Variants in VWA8 observed in about 807,000 individuals in gnomAD.
VWA8 encodes the protein von Willebrand factor A domain containing 8, also known as von Willebrand factor A domain-containing protein 8.
VWA8 carries 221 observed loss-of-function variants against 241.5 expected under a neutral mutation model. The ratio of observed to expected loss-of-function variants is 0.91; its 90% CI spans 0.82 to 1.02. The LOEUF (loss-of-function observed/expected upper bound fraction) is 1.02, where lower values mean the gene tolerates loss of function less well. VWA8 is among the 50% of genes least tolerant of loss of function. The pLI is 0.00. For missense variants in VWA8, 2,322 were observed against 2,328.7 expected, an observed-to-expected ratio of 1.00 and a Z score of 0.06; for synonymous variants, 852 against 827.1, an observed-to-expected ratio of 1.03 and a Z score of -0.52.
intron 14 of VWA8, among the ~76,000 whole-genome samples, chr13:41,824,483 T>C (rs1871094936): frequency 6.6e-6 from 1 of 152,118 alleles, no homozygotes; most frequent in Admixed American, 6.6e-5. Context: ...TATCTAGTAG[T>C]CAGATGGCAC....
chr13:41,670,384 T>C (rs1366048210), intron 37 of VWA8, among the ~76,000 whole-genome samples: 2 of 151,634 alleles, frequency 1.3e-5, no homozygotes, highest in Non-Finnish European at 2.9e-5. Flanking sequence ...CTTTTCACTT[T>C]GGTGGCCTGT....
chr13:41,600,464 G>A (rs1017535775), intron 40 of VWA8, among the ~76,000 whole-genome samples: 2 of 152,074 alleles, frequency 1.3e-5, no homozygotes, highest in African/African-American at 2.4e-5. Flanking sequence ...CCTTGACTCG[G>A]CTGTTCTCAC....
chr13:41,743,186 G>T (rs1053105936), intron 21 of VWA8, among the ~76,000 whole-genome samples: 3 of 152,178 alleles, frequency 2.0e-5, no homozygotes, highest in Non-Finnish European at 4.4e-5. Flanking sequence ...GTCATTGCAG[G>T]GTTCTGAGCA....
chr13:41,781,534 C>A (rs753462446), intron 19 of VWA8, among the ~76,000 whole-genome samples: 1 of 152,136 alleles, frequency 6.6e-6, no homozygotes, highest in Non-Finnish European at 1.5e-5. Context: ...CCTAGAGCTG[C>A]GTATACTTGT....
chr13:41,728,849 A>C (rs1230729353), intron 23 of VWA8, among the ~76,000 whole-genome samples: 1 of 152,054 alleles, frequency 6.6e-6, no homozygotes, highest in Admixed American at 6.6e-5. Flanking sequence ...TTTAGTTATT[A>C]GTCTCAACTT....
At chr13:41,868,217 CAT>C in intron 10 of VWA8, 127 bp downstream of exon 10, 1 of 1,026,384 alleles carries the variant, frequency 9.7e-7, no homozygotes, top group Non-Finnish European at 1.4e-6. Flanking sequence ...GAGACATAGA[CAT>C]ATAGATACCG....
At chr13:41,695,580 T>C (rs1238702173) in intron 29 of VWA8, among the ~76,000 whole-genome samples, 1 of 152,168 alleles carries the variant, frequency 6.6e-6, no homozygotes, top group East Asian at 1.9e-4. Flanking sequence ...AGGTCTGACA[T>C]CTTGACAGAG....
Position 41,582,655 on chromosome 13 carries a change from T to C in VWA8, c.5271+4857A>G, listed in dbSNP as rs1273267789. On this transcript the variant is annotated intron_variant, in intron 42 of 44. Coordinates refer to ENST00000379310, the MANE Select transcript of VWA8 (RefSeq NM_015058.2). ...TTTTTTTCTGAGTAAATTAAATCCT[T>C]TTGTTAGTTATTCCTATTCCCTTTA... 3.9e-5 allele frequency among the ~76,000 whole-genome samples: 6 copies of C among 152,338 alleles called. 1 individual carries two copies. In the Middle Eastern group the frequency reaches 0.017, roughly 432 times the overall value.
chr13:41,691,783 T>A (rs1236573258), intron 31 of VWA8, 91 bp downstream of exon 31: 3 of 1,047,804 alleles, frequency 2.9e-6, no homozygotes, highest in Non-Finnish European at 2.9e-6. Flanking sequence ...TTGGTTACAT[T>A]CACTTTATAG....
chr13:41,883,436 C>A lies in VWA8; in HGVS notation c.1031G>T (p.Ser344Ile), dbSNP rs771607918. 9.3e-6 allele frequency: 15 copies of A among 1,613,540 alleles called. No individual in the cohort carries two copies. The highest frequency in any genetic ancestry group is 1.1e-5 in the Non-Finnish European group (13 of 1,179,782). ...CTTCCCTTCATGACCTAGTAAAATA[C>A]TATATGGATAAAGCCACTGGATTGC... Reference protein sequence around the residue: ...KHAIQWLYPYSILLGHEGKMA... With the variant: ...KHAIQWLYPYIILLGHEGKMA... The change falls in exon 9 of 45, where the codon AGT becomes ATT. Residue 344 changes from serine (S) to isoleucine (I), a missense_variant. Ser to Ile is a moderately radical substitution (Grantham distance 142). Coordinates refer to ENST00000379310, the MANE Select transcript of VWA8 (RefSeq NM_015058.2).
At chr13:41,802,832 A>G (rs1870019721) in intron 17 of VWA8, among the ~76,000 whole-genome samples, 2 of 152,238 alleles carry the variant, frequency 1.3e-5, no homozygotes, top group South Asian at 2.1e-4. Context: ...ATGAATAAAC[A>G]TAAGTGGTAG....
chr13:41,610,356 G>C (rs1444412830), intron 39 of VWA8, among the ~76,000 whole-genome samples: 1 of 152,198 alleles, frequency 6.6e-6, no homozygotes, highest in Non-Finnish European at 1.5e-5. Flanking sequence ...GGGAGAAAGG[G>C]AGAGTGAATT....
chr13:41,718,664 T>A (rs538585870), intron 26 of VWA8, among the ~76,000 whole-genome samples: 1 of 151,826 alleles, frequency 6.6e-6, no homozygotes, highest in South Asian at 2.1e-4. Flanking sequence ...CTTCAAAGAA[T>A]CAATAAATAT....
chr13:41,794,643 T>C (rs1303798736), intron 17 of VWA8, among the ~76,000 whole-genome samples: 1 of 152,226 alleles, frequency 6.6e-6, no homozygotes, highest in African/African-American at 2.4e-5. Context: ...CTTGCCTGAT[T>C]GCCCTGGCCA....
At chr13:41,746,643 T>TGACACTC (rs920381710) in intron 21 of VWA8, among the ~76,000 whole-genome samples, 2 of 152,220 alleles carry the variant, frequency 1.3e-5, no homozygotes, top group Admixed American at 6.5e-5. Context: ...AATTTACTGA[T>TGACACTC]GACACTCCTC....
intron 12 of VWA8, among the ~76,000 whole-genome samples, chr13:41,834,130 T>C (rs1410494749): frequency 1.3e-5 from 2 of 152,230 alleles, no homozygotes; most frequent in East Asian, 1.9e-4. Flanking sequence ...AACAATAGCA[T>C]AGCACTTAAA....
chr13:41,770,901 CAAAAA>C (rs71096541), intron 20 of VWA8, among the ~76,000 whole-genome samples: 7 of 98,386 alleles, frequency 7.1e-5, no homozygotes, highest in Admixed American at 2.1e-4. Context: ...CTTAAAATGA[CAAAAA>C]AAAAAAAAAA....
chr13:41,639,269 T>C (rs1381204476), intron 37 of VWA8, among the ~76,000 whole-genome samples: 1 of 151,836 alleles, frequency 6.6e-6, no homozygotes, highest in African/African-American at 2.4e-5. Context: ...GCTAGATAGA[T>C]GTGAAAAAAA....
intron 33 of VWA8, among the ~76,000 whole-genome samples, chr13:41,689,771 T>C (rs1332977961): frequency 6.6e-6 from 1 of 152,084 alleles, no homozygotes; most frequent in Non-Finnish European, 1.5e-5. Context: ...GTAGAAAAGA[T>C]GTAAAAACTG....
Sources: allele counts gnomAD v4.1 joint callset (sites outside exome capture counted in the v4.1 genomes callset), GRCh38; gene constraint gnomAD v4.1.1; transcripts MANE v1.5; gene names NCBI Gene and HGNC (gene_info 2026-07-23, HGNC 2026-07-21).